The following SLC39A11 variants were observed in gnomAD, a reference collection of about 807,000 sequenced individuals.
SLC39A11 encodes zinc transporter ZIP11.
Under a neutral mutation model 36.1 loss-of-function variants are expected in SLC39A11, and 33 were observed. The observed-to-expected ratio is 0.91, with a 90% CI of 0.69 to 1.22. SLC39A11 has a LOEUF of 1.22. Ranked by LOEUF, SLC39A11 falls within the 50% of genes most tolerant of loss-of-function variation. The pLI, the probability that SLC39A11 is intolerant of heterozygous loss-of-function variation, is 0.00. For missense variants in SLC39A11, 432 were observed against 430.3 expected, an observed-to-expected ratio of 1.00 and a Z score of -0.03; for synonymous variants, 166 against 170.3, an observed-to-expected ratio of 0.97 and a Z score of 0.20.
At chr17:72,768,795 C>G (rs1272663892) in intron 6 of SLC39A11, among the ~76,000 whole-genome samples, 4 of 151,994 alleles carry the variant, frequency 2.6e-5, no homozygotes, top group Non-Finnish European at 5.9e-5. Flanking sequence ...GAGTCTTGCT[C>G]TGTCACCCAG....
chr17:72,699,175 G>A (rs2072485095), intron 7 of SLC39A11, among the ~76,000 whole-genome samples: 1 of 152,140 alleles, frequency 6.6e-6, no homozygotes, highest in South Asian at 2.1e-4. Context: ...TAGACCATGG[G>A]TGTCCAATCT....
intron 7 of SLC39A11, among the ~76,000 whole-genome samples, chr17:72,669,575 G>T (rs1416647892): frequency 6.6e-6 from 1 of 152,188 alleles, no homozygotes; most frequent in East Asian, 1.9e-4. Context: ...AGGAAAACTC[G>T]ATGTGTCTTA....
intron 7 of SLC39A11, among the ~76,000 whole-genome samples, chr17:72,665,573 G>A (rs2070718325): frequency 6.6e-6 from 1 of 151,608 alleles, no homozygotes; most frequent in Non-Finnish European, 1.5e-5. Context: ...CTTTTATAGA[G>A]ATGGGGGTCT....
chr17:72,713,082 AG>A, intron 7 of SLC39A11: 1 of 152,556 alleles, frequency 6.6e-6, no homozygotes, highest in Non-Finnish European at 1.5e-5. Context: ...GTCCAGGTAC[AG>A]GGGAAGGTAA....
At chr17:72,780,982 C>T (rs150969253) in intron 6 of SLC39A11, among the ~76,000 whole-genome samples, 5,582 of 152,028 alleles carry the variant, frequency 0.037, 321 homozygotes, top group African/African-American at 0.12. Flanking sequence ...AGTGTAATTC[C>T]ATCTCAAAAA....
chr17:72,791,446 T>C (rs2076700244), intron 6 of SLC39A11, among the ~76,000 whole-genome samples: 1 of 152,206 alleles, frequency 6.6e-6, no homozygotes, highest in African/African-American at 2.4e-5. Context: ...AAAGAAACTC[T>C]GTCTCAAAAC....
At chr17:73,014,002 C>T (rs543773135) in intron 4 of SLC39A11, among the ~76,000 whole-genome samples, 151 of 152,210 alleles carry the variant, frequency 9.9e-4, no homozygotes, top group African/African-American at 3.5e-3. Context: ...CCTTGGCAAT[C>T]GTAAATAAAT....
At chr17:72,993,989 A>T (rs1347992208) in intron 4 of SLC39A11, among the ~76,000 whole-genome samples, 1 of 152,174 alleles carries the variant, frequency 6.6e-6, no homozygotes, top group African/African-American at 2.4e-5. Context: ...TGCTATTCTC[A>T]TGATAGCACC....
chr17:72,733,263 T>G (rs1035564929), intron 7 of SLC39A11, among the ~76,000 whole-genome samples: 1 of 152,192 alleles, frequency 6.6e-6, no homozygotes, highest in African/African-American at 2.4e-5. Context: ...GTAAAAACCA[T>G]GTTTACTAGT....
chr17:73,061,238 T>TA (rs1266207477), intron 3 of SLC39A11, among the ~76,000 whole-genome samples: 1 of 152,092 alleles, frequency 6.6e-6, no homozygotes, highest in Non-Finnish European at 1.5e-5. Context: ...CAGGTACCTG[T>TA]AGTCCCAGCT....
intron 6 of SLC39A11, among the ~76,000 whole-genome samples, chr17:72,781,909 T>G (rs1229281946): frequency 6.6e-6 from 1 of 151,660 alleles, no homozygotes; most frequent in Non-Finnish European, 1.5e-5. Context: ...AAAATTCTAT[T>G]TATAAAAGGA....
intron 4 of SLC39A11, among the ~76,000 whole-genome samples, chr17:73,027,367 G>T (rs2058593166): frequency 6.6e-6 from 1 of 152,096 alleles, no homozygotes; most frequent in Non-Finnish European, 1.5e-5. Context: ...CACCTTCCTT[G>T]TCCACCCCCT....
At chr17:72,748,749 C>T (rs2075041410) in intron 6 of SLC39A11, among the ~76,000 whole-genome samples, 1 of 152,204 alleles carries the variant, frequency 6.6e-6, no homozygotes, top group South Asian at 2.1e-4. Flanking sequence ...GGAGAGAATG[C>T]CTATACTGGC....
At chr17:72,870,754 G>C (rs2080567912) in intron 5 of SLC39A11, among the ~76,000 whole-genome samples, 1 of 152,304 alleles carries the variant, frequency 6.6e-6, no homozygotes, top group East Asian at 1.9e-4. Context: ...AACTGGAAAA[G>C]GTTTGCCTGC....
chr17:73,089,540 C>A (rs1241291569), intron 1 of SLC39A11, among the ~76,000 whole-genome samples: 2 of 152,204 alleles, frequency 1.3e-5, no homozygotes, highest in Admixed American at 6.5e-5. Flanking sequence ...TGGCCTTCCC[C>A]AGCCCTGTCC....
chr17:72,746,230 A>T (rs1224419548), intron 6 of SLC39A11, among the ~76,000 whole-genome samples: 1 of 152,188 alleles, frequency 6.6e-6, no homozygotes, highest in African/African-American at 2.4e-5. Flanking sequence ...ATGACACTTC[A>T]CCAATAAATA....
chr17:72,979,120 G>A lies in SLC39A11; in HGVS notation c.307-31245C>T, dbSNP rs191596617. On this transcript the variant is annotated intron_variant, in intron 4 of 9. Coordinates refer to ENST00000255559, the MANE Select transcript of SLC39A11 (RefSeq NM_139177.4). ...GGGCAGTTTCCCCCATGCTGTTCTC[G>A]TGATAGTGAGTGAGTTCTCACGAGA... is the stretch of plus-strand genomic sequence containing the variant. Among the ~76,000 whole-genome samples, 387 of 152,226 alleles carry A rather than the reference G, an allele frequency of 2.5e-3. 1 individual carries two copies. The highest frequency in any genetic ancestry group is 8.8e-3 in the African/African-American group (366 of 41,534).
At chr17:72,822,083 A>G (rs573539969) in intron 6 of SLC39A11, 72 of 151,370 alleles carry the variant, frequency 4.8e-4, no homozygotes, top group African/African-American at 1.5e-3. Context: ...GCCACATCCA[A>G]CAAAACTCCA....
chr17:72,835,824 C>T (rs2078514319), intron 6 of SLC39A11, among the ~76,000 whole-genome samples: 1 of 152,216 alleles, frequency 6.6e-6, no homozygotes, highest in Non-Finnish European at 1.5e-5. Flanking sequence ...CTGCATTTTA[C>T]AGCTGGGAAA....
Sources: gnomAD v4.1 joint callset for allele counts (sites outside exome capture counted in the v4.1 genomes callset) on GRCh38, gnomAD v4.1.1 for gene constraint, MANE v1.5 for transcripts, NCBI Gene and HGNC (gene_info 2026-07-23, HGNC 2026-07-21) for gene names.